DSG4: variants seen among roughly 807,000 people sequenced by gnomAD.
DSG4 encodes the protein desmoglein 4.
In DSG4, 87 loss-of-function variants were observed where a neutral mutation model predicts 93.1. The ratio of observed to expected loss-of-function variants is 0.93; its 90% CI spans 0.79 to 1.12. The LOEUF is 1.12. Ranked by LOEUF, DSG4 falls within the 50% of genes most tolerant of loss-of-function variation. The probability of loss-of-function intolerance (pLI) is 0.00; values close to 1 mark genes in which losing one functional copy is unlikely to be tolerated. For synonymous variants in DSG4, 432 were observed against 452.9 expected (o/e 0.95, Z 0.59); for missense variants, 1,373 against 1,285.7 (o/e 1.07, Z -1.04).
At chr18:31,384,636 A>G (rs1254475546) in intron 1 of DSG4, among the ~76,000 whole-genome samples, 1 of 152,196 alleles carries the variant, frequency 6.6e-6, no homozygotes, top group Non-Finnish European at 1.5e-5. Context: ...GGGCAACAGC[A>G]TGTAGATTCT....
intron 8 of DSG4, among the ~76,000 whole-genome samples, chr18:31,397,664 A>G (rs935065115): frequency 1.3e-5 from 2 of 152,114 alleles, no homozygotes; most frequent in African/African-American, 4.8e-5. Flanking sequence ...AGAACTATTA[A>G]TATTCTTACA....
At position 31,392,235 on chromosome 18, in the gene DSG4, T is replaced by A. The variant is rs1367669909; in HGVS notation, c.900T>A (p.Thr300=). The part of the protein sequence containing the change: ...LQAIDLDEEG[T]DNWLAQYLIL... ...CAATTGATCTTGATGAAGAAGGCAC[T>A]GATAACTGGTTGGCTCAATATTTAA... is the stretch of plus-strand genomic sequence containing the variant. Residue 300 remains threonine, a synonymous_variant, in exon 8 of 16, where the codon ACT becomes ACA. Coordinates refer to ENST00000308128, the MANE Select transcript of DSG4 (RefSeq NM_177986.5). 2 of 1,613,830 alleles carry A rather than the reference T, an allele frequency of 1.2e-6. No homozygotes were observed. Among genetic ancestry groups the A allele is most frequent in the Admixed American group, 3.3e-5 (2 of 60,008 alleles).
At chr18:31,396,241 A>G (rs2144189050) in intron 8 of DSG4, among the ~76,000 whole-genome samples, 1 of 151,840 alleles carries the variant, frequency 6.6e-6, no homozygotes, top group South Asian at 2.1e-4. Flanking sequence ...TAATTCTAAC[A>G]TTTATTAAGC....
chr18:31,411,133 G>T (rs772656413), intron 14 of DSG4, 98 bp from the exon 15 acceptor site: 2 of 1,612,540 alleles, frequency 1.2e-6, no homozygotes, highest in Admixed American at 1.7e-5. Flanking sequence ...ACGCCTTGCC[G>T]GGTGGTGGTG....
intron 14 of DSG4, among the ~76,000 whole-genome samples, chr18:31,410,701 C>T (rs2072477793): frequency 1.3e-5 from 2 of 152,180 alleles, no homozygotes. Flanking sequence ...TTGCACCAAA[C>T]AGAGAGGGTG....
chr18:31,389,085 G>T, intron 5 of DSG4, 67 bp downstream of exon 5: 1 of 1,565,314 alleles, frequency 6.4e-7, no homozygotes. Flanking sequence ...AAGCTTTAGA[G>T]GACTGACATA....
chr18:31,411,542 T>G, intron 15 of DSG4, 94 bp downstream of exon 15: 1 of 1,402,234 alleles, frequency 7.1e-7, no homozygotes, highest in African/African-American at 1.4e-5. Context: ...TTCGGAAATA[T>G]GCTGTTATTC....
At chr18:31,405,714 T>C (rs770967361) in intron 11 of DSG4, among the ~76,000 whole-genome samples, 2 of 151,946 alleles carry the variant, frequency 1.3e-5, no homozygotes, top group South Asian at 4.1e-4. Context: ...CAAAACCCTG[T>C]CTCTACTAAA....
At chr18:31,388,798 T>C (rs2072217054) in intron 4 of DSG4, 76 bp from the exon 5 acceptor site, 8 of 1,607,418 alleles carry the variant, frequency 5.0e-6, no homozygotes, top group Non-Finnish European at 6.8e-6. Context: ...TCTTTGCCTA[T>C]TTTCTGATAT....
At chr18:31,399,670 AAGACTATT>A in intron 9 of DSG4, 127 bp downstream of exon 9, 1 of 1,257,134 alleles carries the variant, frequency 8.0e-7, no homozygotes, top group Non-Finnish European at 1.1e-6. Context: ...TTTGATTTAA[AAGACTATT>A]AGAGCATTTG....
chr18:31,409,520 G>C lies in DSG4; in HGVS notation c.2002G>C (p.Ala668Pro). 6.2e-7 allele frequency: 1 copy of C among 1,614,190 alleles called. No individual in the cohort carries two copies. Among genetic ancestry groups the C allele is most frequent in the Non-Finnish European group, 8.5e-7 (1 of 1,180,034 alleles). ...RQPEGLGTRF[A>P]PVPEGGEGVM... ...GCCAGAAGGCCTGGGAACAAGATTTGCTCCTGTGCCTGAGGGCGGAGAAGG... is the reference window on the plus strand; with the variant it reads ...GCCAGAAGGCCTGGGAACAAGATTTCCTCCTGTGCCTGAGGGCGGAGAAGG... Residue 668 changes from alanine to proline, a missense_variant, in exon 13 of 16, where the codon GCT becomes CCT. By Grantham distance (27) the Ala-to-Pro change is conservative. Coordinates refer to ENST00000308128, the MANE Select transcript of DSG4 (RefSeq NM_177986.5).
At position 31,399,604 on chromosome 18, in the gene DSG4, C is replaced by A; in HGVS notation, c.1277+61C>A. On this transcript the variant is annotated intron_variant, in intron 9 of 15. Transcript: ENST00000308128. ...ATCCAGTGTTAATTCATGTAGCATG[C>A]GCTAATATATGTTGGTTGTAATACT... 1.9e-6 allele frequency: 3 copies of A among 1,602,244 alleles called. No homozygotes were observed. The South Asian group carries it at 3.3e-5, about 18-fold the overall frequency.
chr18:31,386,415 T>C (rs1376857576), intron 2 of DSG4, among the ~76,000 whole-genome samples: 1 of 152,132 alleles, frequency 6.6e-6, no homozygotes, highest in Non-Finnish European at 1.5e-5. Context: ...GCACAACTTA[T>C]ACAGTATGGC....
rs1340837534 is a variant in DSG4, at chr18:31,386,862, AGGG to A, written c.216+44_216+46del. 8 of 1,611,258 alleles carry A rather than the reference AGGG, an allele frequency of 5.0e-6. No homozygotes were observed. The African/African-American group carries it at 1.1e-4, about 22-fold the overall frequency. ...CTGATGACAAATGCTTTTGCAGAGC[AGGG>A]AAGCTTTCAAATATCTCCAAGATTT... On this transcript the variant is annotated intron_variant, in intron 3 of 15. Coordinates refer to ENST00000308128, the MANE Select transcript of DSG4 (RefSeq NM_177986.5).
chr18:31,406,449 G>T, intron 12 of DSG4, 76 bp downstream of exon 12: 1 of 1,570,990 alleles, frequency 6.4e-7, no homozygotes, highest in Non-Finnish European at 8.7e-7. Context: ...GGGATGGTTA[G>T]GTTCATGGAG....
At chr18:31,406,935 G>T (rs9958118) in intron 12 of DSG4, among the ~76,000 whole-genome samples, 1 of 151,868 alleles carries the variant, frequency 6.6e-6, no homozygotes, top group African/African-American at 2.4e-5. Flanking sequence ...CCACCACCAC[G>T]ACTGGCTAAT....
intron 14 of DSG4, among the ~76,000 whole-genome samples, chr18:31,410,623 T>A (rs1290869888): frequency 2.0e-5 from 3 of 151,958 alleles, no homozygotes; most frequent in Non-Finnish European, 4.4e-5. Flanking sequence ...TGTCGTAAAC[T>A]CTCCTATCTT....
At chr18:31,405,596 A>G (rs1420634294) in intron 11 of DSG4, among the ~76,000 whole-genome samples, 3 of 151,950 alleles carry the variant, frequency 2.0e-5, no homozygotes, top group African/African-American at 7.2e-5. Flanking sequence ...AAAGAAAAGT[A>G]AAAAAGGCCA....
At chr18:31,405,942 C>A in intron 11 of DSG4, 135 bp from the exon 12 acceptor site, 1 of 790,610 alleles carries the variant, frequency 1.3e-6, no homozygotes, top group South Asian at 1.9e-5. Flanking sequence ...AAAAAAAGTA[C>A]AAGGTGCTTT....
Sources: allele counts gnomAD v4.1 joint callset (sites outside exome capture counted in the v4.1 genomes callset), GRCh38; gene constraint gnomAD v4.1.1; transcripts MANE v1.5; gene names NCBI Gene and HGNC (gene_info 2026-07-23, HGNC 2026-07-21).